Variants in CADM1 observed in about 807,000 individuals in gnomAD.
CADM1 encodes cell adhesion molecule 1, also known as TSLC-1.
CADM1 carries 15 observed loss-of-function variants against 53.1 expected under a neutral mutation model. The ratio of observed to expected loss-of-function variants is 0.28; its 90% CI spans 0.19 to 0.44. The LOEUF (loss-of-function observed/expected upper bound fraction) is 0.44, where lower values mean the gene tolerates loss of function less well. Among genes scored for constraint, CADM1 ranks in the 20% least tolerant of loss-of-function variants. The probability of loss-of-function intolerance (pLI) is 1.00; values close to 1 mark genes in which losing one functional copy is unlikely to be tolerated. For synonymous variants in CADM1, 281 were observed against 243.0 expected (o/e 1.16, Z -1.45); for missense variants, 434 against 611.3 (o/e 0.71, Z 3.06).
intron 1 of CADM1, among the ~76,000 whole-genome samples, chr11:115,444,079 T>A (rs151286744): frequency 6.4e-4 from 98 of 152,164 alleles, no homozygotes; most frequent in African/African-American, 2.2e-3. Flanking sequence ...TACGGCTCCA[T>A]GCAATTCTAG....
intron 1 of CADM1, among the ~76,000 whole-genome samples, chr11:115,429,894 T>G (rs1413314730): frequency 6.6e-6 from 1 of 152,158 alleles, no homozygotes; most frequent in Non-Finnish European, 1.5e-5. Flanking sequence ...CGGAGCAGTG[T>G]CTGGCATGTA....
At chr11:115,178,484 T>A (rs947823245) in intron 11 of CADM1, among the ~76,000 whole-genome samples, 160 bp downstream of exon 11, 2 of 136,498 alleles carry the variant, frequency 1.5e-5, no homozygotes, top group African/African-American at 2.8e-5. Flanking sequence ...TCTGGTTTTG[T>A]TTTTTTTTTT....
rs904847770 is a variant in CADM1 at position 115,197,971 on chromosome 11, C to CT, written c.1111+434dup. ...CTTCTTCCCTGGTCTACCCTTCCAT[C>CT]TCAACTTTACTAAGTGACACAAATG... On this transcript the variant is annotated intron_variant, in intron 9 of 11. Coordinates refer to ENST00000331581, the MANE Select transcript of CADM1 (RefSeq NM_001301043.2). Among the ~76,000 whole-genome samples, 53 of 152,338 alleles carry CT rather than the reference C, an allele frequency of 3.5e-4. No homozygotes were observed. In the South Asian group the frequency reaches 5.6e-3, roughly 16 times the overall value.
At chr11:115,373,262 A>C (rs2135130492) in intron 1 of CADM1, among the ~76,000 whole-genome samples, 1 of 152,284 alleles carries the variant, frequency 6.6e-6, no homozygotes. Flanking sequence ...AAAAGAATTC[A>C]GATTGTACAC....
At chr11:115,286,534 C>A (rs1355499181) in intron 1 of CADM1, among the ~76,000 whole-genome samples, 1 of 152,112 alleles carries the variant, frequency 6.6e-6, no homozygotes. Context: ...TTCTCATGAC[C>A]CTGCTCAAAG....
chr11:115,253,669 A>C (rs1405180794), intron 1 of CADM1, among the ~76,000 whole-genome samples: 1 of 152,146 alleles, frequency 6.6e-6, no homozygotes, highest in Admixed American at 6.5e-5. Context: ...GCTTAATCAA[A>C]CCCACCTATT....
intron 1 of CADM1, chr11:115,445,800 G>A (rs1948437801): frequency 2.2e-6 from 1 of 452,730 alleles, no homozygotes; most frequent in Non-Finnish European, 4.4e-6. Context: ...AGCCGAGATT[G>A]TGCCACCGCA....
At chr11:115,443,919 G>A (rs1948387860) in intron 1 of CADM1, among the ~76,000 whole-genome samples, 1 of 152,130 alleles carries the variant, frequency 6.6e-6, no homozygotes, top group Admixed American at 6.5e-5. Context: ...AACTTTTTCA[G>A]TATCACTTTA....
chr11:115,448,188 C>T (rs1027509709), intron 1 of CADM1, among the ~76,000 whole-genome samples: 4 of 152,144 alleles, frequency 2.6e-5, no homozygotes, highest in Admixed American at 6.6e-5. Flanking sequence ...TACCTCTCAT[C>T]CCTATTCTTA....
chr11:115,203,332 C>T (rs535562151), intron 8 of CADM1, among the ~76,000 whole-genome samples: 2 of 151,964 alleles, frequency 1.3e-5, no homozygotes, highest in South Asian at 4.2e-4. Context: ...TGTGAATGCT[C>T]AGTGGAAGGG....
chr11:115,396,510 T>C (rs535700002), intron 1 of CADM1, among the ~76,000 whole-genome samples: 2 of 152,340 alleles, frequency 1.3e-5, no homozygotes, highest in South Asian at 2.1e-4. Flanking sequence ...ACCACTTAAC[T>C]AACTTTATTT....
intron 10 of CADM1, among the ~76,000 whole-genome samples, chr11:115,180,607 A>C (rs1416386178): frequency 6.6e-6 from 1 of 152,138 alleles, no homozygotes; most frequent in Non-Finnish European, 1.5e-5. Flanking sequence ...CATTTCAACA[A>C]GGCAGAACTC....
chr11:115,490,896 G>A (rs964776605), intron 1 of CADM1, among the ~76,000 whole-genome samples: 8 of 152,156 alleles, frequency 5.3e-5, no homozygotes, highest in Admixed American at 1.3e-4. Flanking sequence ...GGTAACTATA[G>A]GGTGACAGTG....
intron 1 of CADM1, among the ~76,000 whole-genome samples, chr11:115,338,621 C>T (rs543785345): frequency 1.3e-5 from 2 of 152,126 alleles, no homozygotes; most frequent in Non-Finnish European, 2.9e-5. Context: ...GATGCTCACA[C>T]GTAGGAAGCA....
At chr11:115,245,744 C>T (rs1292647660) in intron 1 of CADM1, among the ~76,000 whole-genome samples, 1 of 152,118 alleles carries the variant, frequency 6.6e-6, no homozygotes, top group Non-Finnish European at 1.5e-5. Context: ...GTATGTTCCC[C>T]CAAGTCAACG....
rs541242813 is a variant in CADM1, at chr11:115,191,524, G to GA, written c.1112-584dup. The stretch of plus-strand genomic sequence containing the variant: ...AATTTCATAAATCAATGGTATTCCT[G>GA]AAAAATAAAACCCTCAAAGCTGAAA... On this transcript the variant is annotated intron_variant, in intron 9 of 11. Transcript: ENST00000331581. Among the ~76,000 whole-genome samples, 274 of 152,274 alleles carry GA rather than the reference G, an allele frequency of 1.8e-3. 1 individual carries two copies. Among genetic ancestry groups the GA allele is most frequent in the African/African-American group, 6.4e-3 (264 of 41,544 alleles).
chr11:115,293,653 T>G (rs1184135017), intron 1 of CADM1, among the ~76,000 whole-genome samples: 6 of 152,178 alleles, frequency 3.9e-5, no homozygotes, highest in African/African-American at 1.4e-4. Flanking sequence ...GAGCCAGTAT[T>G]ATTGAATGAG....
At chr11:115,434,089 G>A (rs1211140196) in intron 1 of CADM1, among the ~76,000 whole-genome samples, 2 of 152,170 alleles carry the variant, frequency 1.3e-5, no homozygotes, top group Non-Finnish European at 2.9e-5. Context: ...TGGCCGTCAA[G>A]TGGAAGTTCA....
intron 10 of CADM1, 64 bp downstream of exon 10, chr11:115,190,824 T>C (rs1591589501): frequency 7.2e-7 from 1 of 1,383,336 alleles, no homozygotes; most frequent in Non-Finnish European, 9.9e-7. Context: ...GGCCATTTTG[T>C]AGAAGTGGAT....
Sources: gnomAD v4.1 joint callset for allele counts (sites outside exome capture counted in the v4.1 genomes callset) on GRCh38, gnomAD v4.1.1 for gene constraint, MANE v1.5 for transcripts, NCBI Gene and HGNC (gene_info 2026-07-23, HGNC 2026-07-21) for gene names.